The following ARMC12 variants were observed in gnomAD, a reference collection of about 807,000 sequenced individuals.
ARMC12 encodes the protein armadillo repeat containing 12, also known as armadillo repeat-containing protein 12.
Under a neutral mutation model 37.4 loss-of-function variants are expected in ARMC12, and 25 were observed. The observed-to-expected ratio is 0.67, with a 90% CI of 0.49 to 0.93. The LOEUF is 0.93. Ranked by LOEUF, ARMC12 falls within the 40% of genes least tolerant of loss-of-function variation. ARMC12 has a pLI of 0.00. For synonymous variants in ARMC12, 167 were observed against 176.1 expected (o/e 0.95, Z 0.41); for missense variants, 384 against 426.6 (o/e 0.90, Z 0.88).
At chr6:35,733,548 C>T (rs1439524495), upstream of ARMC12, among the ~76,000 whole-genome samples, 1 of 152,200 alleles carries the variant, frequency 6.6e-6, no homozygotes, top group Non-Finnish European at 1.5e-5. Flanking sequence ...CTTGCTCTGT[C>T]ACCAGGCTGG....
Position 35,748,838 on chromosome 6 carries a change from C to G in ARMC12, c.991C>G (p.Pro331Ala), listed in dbSNP as rs975390039. The change falls in exon 6 of 6, where the codon CCC becomes GCC. Residue 331 changes from proline to alanine, a missense_variant. Pro to Ala is a conservative substitution (Grantham distance 27). Transcript: ENST00000373866. ...GAGAGCCCGGCCCTCCTCCTGCCAG[C>G]CCAGTCGTTCCTACTTTAAAAACAC... The part of the protein sequence containing the change: ...DLRARPSSCQ[P>A]SRSYFKNTE 5 of 1,612,538 alleles carry G rather than the reference C, an allele frequency of 3.1e-6. No individual in the cohort carries two copies. Among genetic ancestry groups the G allele is most frequent in the Non-Finnish European group, 4.2e-6 (5 of 1,179,338 alleles).
chr6:35,739,119 C>T (rs565480849), intron 3 of ARMC12, among the ~76,000 whole-genome samples: 4 of 152,238 alleles, frequency 2.6e-5, no homozygotes, highest in African/African-American at 7.2e-5. Context: ...TGTCAGGGCG[C>T]GGAGCTTCCA....
chr6:35,746,674 C>T (rs1023905354), intron 3 of ARMC12, among the ~76,000 whole-genome samples: 1 of 151,780 alleles, frequency 6.6e-6, no homozygotes, highest in Non-Finnish European at 1.5e-5. Context: ...GAAGGTAGTG[C>T]CTACAGGATT....
At chr6:35,731,858 G>A in the ARMC12 span, among the ~76,000 whole-genome samples, 1 of 152,216 alleles carries the variant, frequency 6.6e-6, no homozygotes, top group Admixed American at 6.5e-5. Flanking sequence ...CGTCCTAGGG[G>A]GCGGGCGGGA....
intron 3 of ARMC12, among the ~76,000 whole-genome samples, chr6:35,746,926 G>A (rs1767353821): frequency 6.6e-6 from 1 of 151,968 alleles, no homozygotes; most frequent in South Asian, 2.1e-4. Context: ...CATAGCTGGA[G>A]CTAGAGACAT....
intron 3 of ARMC12, among the ~76,000 whole-genome samples, chr6:35,742,050 T>G (rs1767184813): frequency 1.3e-5 from 2 of 151,056 alleles, no homozygotes; most frequent in Admixed American, 6.6e-5. Flanking sequence ...AGAGGTGGGG[T>G]TTTGCCATGT....
At chr6:35,743,749 C>CCG (rs1767248835) in intron 3 of ARMC12, among the ~76,000 whole-genome samples, 2 of 129,078 alleles carry the variant, frequency 1.5e-5, no homozygotes, top group South Asian at 5.1e-4. Flanking sequence ...AAATAAAAGG[C>CCG]GGGGGGTGGA....
chr6:35,741,363 C>A (rs1767162002), intron 3 of ARMC12, among the ~76,000 whole-genome samples: 1 of 152,000 alleles, frequency 6.6e-6, no homozygotes, highest in African/African-American at 2.4e-5. Flanking sequence ...CCCCACCAGC[C>A]CTGCACGAGT....
At chr6:35,732,077 G>A (rs1766845367), upstream of ARMC12, among the ~76,000 whole-genome samples, 1 of 152,136 alleles carries the variant, frequency 6.6e-6, no homozygotes, top group African/African-American at 2.4e-5. Context: ...CGGGGAGGGA[G>A]AGCAAGACCG....
Position 35,744,704 on chromosome 6 carries a change from G to A in ARMC12, c.445-2557G>A, listed in dbSNP as rs991305062. 2.6e-5 allele frequency among the ~76,000 whole-genome samples: 4 copies of A among 152,038 alleles called. 1 individual carries two copies. The highest frequency in any genetic ancestry group is 1.3e-4 in the Admixed American group (2 of 15,266). ...TGGGAGGTGGAGGTTGCAGCGAGCC[G>A]AGATCGCACCACTGCACTCCAGCGT... On this transcript the variant is annotated intron_variant, in intron 3 of 5. Transcript: ENST00000373866.
At chr6:35,738,328 A>T in intron 2 of ARMC12, 56 bp from the exon 3 acceptor site, 1 of 1,541,290 alleles carries the variant, frequency 6.5e-7, no homozygotes. Context: ...CATGGGGGGC[A>T]GTGGGCCCAG....
chr6:35,738,754 C>T (rs1304249645), intron 3 of ARMC12, among the ~76,000 whole-genome samples: 3 of 152,044 alleles, frequency 2.0e-5, no homozygotes, highest in Non-Finnish European at 2.9e-5. Flanking sequence ...AGAAGGACCC[C>T]CACTACCCCA....
chr6:35,747,218 G>C, intron 3 of ARMC12, 43 bp from the exon 4 acceptor site: 1 of 1,582,342 alleles, frequency 6.3e-7, no homozygotes, highest in African/African-American at 1.3e-5. Flanking sequence ...GGATAGTGGT[G>C]ATCACCTGTA....
At chr6:35,739,542 C>T (rs572211071) in intron 3 of ARMC12, among the ~76,000 whole-genome samples, 84 of 152,210 alleles carry the variant, frequency 5.5e-4, no homozygotes, top group Non-Finnish European at 9.0e-4. Context: ...AGACCTGTGG[C>T]GTTTCTTCAG....
intron 3 of ARMC12, among the ~76,000 whole-genome samples, chr6:35,742,266 A>C (rs1767192341): frequency 6.6e-6 from 1 of 151,572 alleles, no homozygotes; most frequent in Non-Finnish European, 1.5e-5. Context: ...TGGGAGGCTG[A>C]GGTGGGCAGA....
At chr6:35,742,855 C>T (rs2052017136) in intron 3 of ARMC12, among the ~76,000 whole-genome samples, 1 of 152,240 alleles carries the variant, frequency 6.6e-6, no homozygotes, top group Non-Finnish European at 1.5e-5. Flanking sequence ...CCACTCTCTC[C>T]AGAGGGCTCT....
chr6:35,737,176 C>A lies in ARMC12; in HGVS notation c.68C>A (p.Thr23Lys). Residue 23 changes from threonine to lysine, a missense_variant, in exon 1 of 6, where the codon ACA becomes AAA. Transcript: ENST00000373866. ...CGCAAAAGCGTAGTCAGCCTGGCCA[C>A]AGGCGCCGGGGCGATCTACCTGCTC... The part of the protein sequence containing the change: ...DIRKSVVSLA[T>K]GAGAIYLLYK... 1 of 1,614,272 alleles carries A rather than the reference C, an allele frequency of 6.2e-7. No individual in the cohort carries two copies. Among genetic ancestry groups the A allele is most frequent in the Non-Finnish European group, 8.5e-7 (1 of 1,180,048 alleles).
chr6:35,741,175 C>T (rs904431611), intron 3 of ARMC12, among the ~76,000 whole-genome samples: 2 of 152,188 alleles, frequency 1.3e-5, no homozygotes, highest in Admixed American at 6.6e-5. Flanking sequence ...GCCACTTGCC[C>T]GTTGTTAGGC....
Position 35,747,254 on chromosome 6 carries a change from A to G in ARMC12, c.445-7A>G. The G allele has an allele frequency of 2.5e-6, 4 of 1,608,710 alleles. No individual in the cohort carries two copies. The highest frequency in any genetic ancestry group is 3.4e-6 in the Non-Finnish European group (4 of 1,177,516). On this transcript the variant is annotated splice_region_variant and splice_polypyrimidine_tract_variant and intron_variant, in intron 3 of 5. Transcript: ENST00000373866. ...AAAGTAAGCCCTTTTGTTCTCCCCC[A>G]CTCCAGGAACACTCCATCAAAGTAC...
Sources: allele counts gnomAD v4.1 joint callset (sites outside exome capture counted in the v4.1 genomes callset), GRCh38; gene constraint gnomAD v4.1.1; transcripts MANE v1.5; gene names NCBI Gene and HGNC (gene_info 2026-07-23, HGNC 2026-07-21).